RIOK3: variants seen among roughly 807,000 people sequenced by gnomAD.
RIOK3 encodes serine/threonine-protein kinase RIO3.
Under a neutral mutation model 63.5 loss-of-function variants are expected in RIOK3, and 40 were observed. The ratio of observed to expected loss-of-function variants is 0.63; its 90% confidence interval spans 0.49 to 0.82. The LOEUF (loss-of-function observed/expected upper bound fraction) is 0.82, where lower values mean the gene tolerates loss of function less well. RIOK3 is among the 40% of genes least tolerant of loss of function. RIOK3 has a pLI of 0.00. For synonymous variants in RIOK3, 193 were observed against 205.0 expected, an observed-to-expected ratio of 0.94 and a Z score of 0.50; for missense variants, 557 against 637.0, an observed-to-expected ratio of 0.87 and a Z score of 1.35.
At position 23,481,463 on chromosome 18, in the gene RIOK3, A is replaced by C. The variant is rs1021161122; in HGVS notation, c.*184A>C. The C allele has an allele frequency of 5.1e-5, 25 of 488,188 alleles. No individual in the cohort carries two copies. The highest frequency in any genetic ancestry group is 1.4e-5 in the Non-Finnish European group (4 of 278,490). The allele number at this position is 488,188 out of a possible 1,614,324, so 30.2% of individuals were successfully genotyped here. On this transcript the variant is annotated 3_prime_UTR_variant, in exon 13 of 13. Transcript: ENST00000339486. ...TTTAGCTCAGCATTGAGAGAATAAA[A>C]TGTCACTACCTCTCATCTTATGAAC...
At position 23,467,541 on chromosome 18, in the gene RIOK3, T is replaced by C; in HGVS notation, c.815+15T>C. On this transcript the variant is annotated intron_variant, in intron 7 of 12. Transcript: ENST00000339486. Reference sequence around the variant, plus strand: ...TATGGAGGGAGGTAAATGAGCAAAATATGATACCATGATATGAAAACTTAG... The same window carrying C: ...TATGGAGGGAGGTAAATGAGCAAAACATGATACCATGATATGAAAACTTAG... 1.2e-6 allele frequency: 2 copies of C among 1,608,970 alleles called. No individual in the cohort carries two copies. Among genetic ancestry groups the C allele is most frequent in the Non-Finnish European group, 1.7e-6 (2 of 1,176,696 alleles).
intron 1 of RIOK3, among the ~76,000 whole-genome samples, chr18:23,458,434 C>T (rs1021995094): frequency 6.6e-6 from 1 of 151,956 alleles, no homozygotes; most frequent in Non-Finnish European, 1.5e-5. Flanking sequence ...CAGGGTGGGT[C>T]TTAGGGTTAT....
chr18:23,470,163 G>A (rs1412617346), intron 7 of RIOK3, among the ~76,000 whole-genome samples: 2 of 152,132 alleles, frequency 1.3e-5, no homozygotes, highest in African/African-American at 4.8e-5. Flanking sequence ...AGGAGATCGA[G>A]ACGATCCTGG....
chr18:23,454,903 G>A (rs1478170626), intron 1 of RIOK3, among the ~76,000 whole-genome samples: 1 of 152,200 alleles, frequency 6.6e-6, no homozygotes, highest in Non-Finnish European at 1.5e-5. Flanking sequence ...GAAAACCAAA[G>A]TGATTACAGA....
intron 1 of RIOK3, among the ~76,000 whole-genome samples, chr18:23,459,365 A>G (rs2057359946): frequency 6.6e-6 from 1 of 152,204 alleles, no homozygotes; most frequent in Non-Finnish European, 1.5e-5. Flanking sequence ...CATACTGCTC[A>G]GGAAATACTG....
At chr18:23,456,953 A>G (rs2057344995) in intron 1 of RIOK3, among the ~76,000 whole-genome samples, 1 of 152,216 alleles carries the variant, frequency 6.6e-6, no homozygotes, top group South Asian at 2.1e-4. Context: ...ATGCATTTAT[A>G]TCTTAAATCT....
chr18:23,458,635 G>T (rs2057355606), intron 1 of RIOK3, among the ~76,000 whole-genome samples: 1 of 152,170 alleles, frequency 6.6e-6, no homozygotes, highest in Non-Finnish European at 1.5e-5. Flanking sequence ...ATTATGGAGG[G>T]CGTTTCCCCC....
At chr18:23,477,395 G>C in intron 11 of RIOK3, 127 bp downstream of exon 11, 1 of 733,520 alleles carries the variant, frequency 1.4e-6, no homozygotes, top group Non-Finnish European at 2.4e-6. Context: ...GCTGCTTTCA[G>C]GACAAGGATA....
chr18:23,466,879 T>C (rs1390857264), intron 6 of RIOK3, among the ~76,000 whole-genome samples: 1 of 147,010 alleles, frequency 6.8e-6, no homozygotes, highest in Admixed American at 6.8e-5. Context: ...GTGTGCACCT[T>C]TAGTCCCAGC....
chr18:23,479,932 G>A (rs1470712583), intron 12 of RIOK3, among the ~76,000 whole-genome samples: 3 of 152,006 alleles, frequency 2.0e-5, no homozygotes, highest in Non-Finnish European at 4.4e-5. Context: ...ATTTCTTCAC[G>A]GAGGGCACCA....
At chr18:23,454,420 G>A (rs754457613) in intron 1 of RIOK3, among the ~76,000 whole-genome samples, 10 of 152,172 alleles carry the variant, frequency 6.6e-5, no homozygotes, top group Non-Finnish European at 8.8e-5. Flanking sequence ...AAAAGTTCTC[G>A]TACAGCTGTT....
At chr18:23,478,780 G>C (rs1175251447) in intron 11 of RIOK3, among the ~76,000 whole-genome samples, 1 of 151,952 alleles carries the variant, frequency 6.6e-6, no homozygotes, top group Non-Finnish European at 1.5e-5. Flanking sequence ...CTTCATATTG[G>C]AAATAACCTC....
At chr18:23,455,609 T>C (rs151318204) in intron 1 of RIOK3, among the ~76,000 whole-genome samples, 2,412 of 151,946 alleles carry the variant, frequency 0.016, 62 homozygotes, top group African/African-American at 0.056. Context: ...GCCAAGATGG[T>C]CTCGATCTCC....
intron 9 of RIOK3, among the ~76,000 whole-genome samples, chr18:23,476,735 C>T (rs1450115066): frequency 2.6e-5 from 4 of 151,942 alleles, no homozygotes; most frequent in Non-Finnish European, 4.4e-5. Flanking sequence ...GGTGAAACCC[C>T]ATCTCTACTA....
chr18:23,463,114 T>A (rs1299480867), intron 2 of RIOK3, 35 bp downstream of exon 2: 2 of 1,364,866 alleles, frequency 1.5e-6, no homozygotes, highest in African/African-American at 1.4e-5. Context: ...ATCTAGCAAC[T>A]TATAGCAGAG....
chr18:23,466,177 A>C lies in RIOK3; in HGVS notation c.588A>C (p.Leu196Phe). 1 of 1,609,924 alleles carries C rather than the reference A, an allele frequency of 6.2e-7. No individual in the cohort carries two copies. Among genetic ancestry groups the C allele is most frequent in the Non-Finnish European group, 8.5e-7 (1 of 1,178,584 alleles). The change falls in exon 6 of 13, where the codon TTA (leucine) becomes TTC (phenylalanine). Residue 196 changes from leucine to phenylalanine, a missense_variant. Around this residue, in one of 3 missense-constraint regions of RIOK3, gnomAD observed 243 missense variants for 275.4 expected, o/e 0.88. Transcript: ENST00000339486. Reference protein sequence around the residue: ...FQVGDGIGMDLKLSNHVFNAL... With the variant: ...FQVGDGIGMDFKLSNHVFNAL... Reference sequence around the variant, plus strand: ...TAGGAGATGGAATTGGAATGGATTTAAAACTATCAAACCATGTTTTCAATG... The same window carrying C: ...TAGGAGATGGAATTGGAATGGATTTCAAACTATCAAACCATGTTTTCAATG...
At chr18:23,473,866 A>T (rs1210486262) in intron 8 of RIOK3, among the ~76,000 whole-genome samples, 1 of 152,194 alleles carries the variant, frequency 6.6e-6, no homozygotes, top group Admixed American at 6.5e-5. Flanking sequence ...TGCCATTTTT[A>T]AATTGCTTTT....
rs1314808607 is a variant in RIOK3, at chr18:23,482,206, G to C, written c.*927G>C. 6.6e-6 allele frequency: 1 copy of C among 152,074 alleles called. No individual in the cohort carries two copies. The highest frequency in any genetic ancestry group is 6.6e-5 in the Admixed American group (1 of 15,258). 9.4% of individuals were successfully genotyped at this position (152,074 alleles called of 1,614,324 possible). A position where few individuals can be genotyped will look rare whatever the true frequency, so the allele number is the denominator to read the frequency against. ...AGAAATATTAAATCTAAGGATGAAAGGTATATATAAAACAATTTGGGGGCC... is the reference window on the plus strand; with the variant it reads ...AGAAATATTAAATCTAAGGATGAAACGTATATATAAAACAATTTGGGGGCC... On this transcript the variant is annotated 3_prime_UTR_variant, in exon 13 of 13. Coordinates refer to ENST00000339486, the MANE Select transcript of RIOK3 (RefSeq NM_003831.5).
At chr18:23,459,423 T>C (rs2057360395) in intron 1 of RIOK3, among the ~76,000 whole-genome samples, 1 of 152,176 alleles carries the variant, frequency 6.6e-6, no homozygotes, top group Non-Finnish European at 1.5e-5. Flanking sequence ...TGAGGGTTGA[T>C]GAGAAGTCTC....
Sources: gnomAD v4.1 joint callset for allele counts (sites outside exome capture counted in the v4.1 genomes callset) on GRCh38, gnomAD v4.1.1 for gene constraint, gnomAD v4.1.1 regional missense constraint, MANE v1.5 for transcripts, NCBI Gene and HGNC (gene_info 2026-07-23, HGNC 2026-07-21) for gene names.